Variants in APOB observed in about 807,000 individuals in gnomAD.
APOB encodes the protein apolipoprotein B-100.
In APOB, 153 loss-of-function variants were observed where a neutral mutation model predicts 314.1. The observed-to-expected ratio is 0.49, with a 90% CI of 0.43 to 0.56. The LOEUF is 0.56. APOB is among the 20% of genes least tolerant of loss of function. APOB has a pLI of 0.00. For missense variants in APOB, 5,430 were observed against 5,350.7 expected (o/e 1.01, Z -0.46); for synonymous variants, 2,087 against 2,036.4 (o/e 1.02, Z -0.67).
rs995623758 is a variant in APOB, at chr2:21,004,341, G to A, written c.12015C>T (p.Ala4005=). The change falls in exon 28 of 29, where the codon GCC becomes GCT. Residue 4005 remains alanine (A), a synonymous_variant. Transcript: ENST00000233242. ...CCATATCCATGCCCACGGTGCCTACGGCTGGGGAGGCTGCTGAGGTGGAGA... is the reference window on the plus strand; with the variant it reads ...CCATATCCATGCCCACGGTGCCTACAGCTGGGGAGGCTGCTGAGGTGGAGA... ...KGISTSAASP[A]VGTVGMDMDE... 1.1e-5 allele frequency: 17 copies of A among 1,613,734 alleles called. No individual in the cohort carries two copies. The African/African-American group carries it at 1.3e-4, about 13-fold the overall frequency.
Position 21,005,353 on chromosome 2 carries a change from C to G in APOB, c.11515G>C (p.Asp3839His). 1 of 1,614,034 alleles carries G rather than the reference C, an allele frequency of 6.2e-7. No individual in the cohort carries two copies. The highest frequency in any genetic ancestry group is 1.3e-5 in the African/African-American group (1 of 75,008). ...KSVSDGIAAL[D>H]LNAVANKIAD... is the part of the protein sequence containing the mutation. ...ATCTTGTTGGCTACTGCATTTAGAT[C>G]CAAAGCAGCAATGCCATCTGAAACA... is the stretch of plus-strand genomic sequence containing the variant. The change falls in exon 26 of 29, where the codon GAT (aspartate) becomes CAT (histidine). Residue 3839 changes from aspartate (D) to histidine (H), a missense_variant. By Grantham distance (81) the Asp-to-His change is moderately conservative. Around this residue, in one of 3 missense-constraint regions of APOB, gnomAD observed 3,281 missense variants for 3,171.0 expected, o/e 1.03. Coordinates refer to ENST00000233242, the MANE Select transcript of APOB (RefSeq NM_000384.3).
In APOB at chr2:21,013,370, G is replaced by A. The variant is rs1663384393; in HGVS notation, c.4006C>T (p.Gln1336Ter). ...VGFHLPSREF[Q>*]VPTFTIPKLY... ...TTGGGAATGGTAAAAGTAGGGACTTGGAACTCTCGAGATGGCAGATGGAAT... is the reference window on the plus strand; with the variant it reads ...TTGGGAATGGTAAAAGTAGGGACTTAGAACTCTCGAGATGGCAGATGGAAT... Residue 1336 changes from glutamine to a stop codon, truncating the protein, a stop_gained, in exon 25 of 29, where the codon CAA (glutamine) becomes TAA (stop). Transcript: ENST00000233242. LOFTEE classifies it high-confidence loss of function. 1.2e-6 allele frequency: 2 copies of A among 1,614,210 alleles called. No homozygotes were observed. The highest frequency in any genetic ancestry group is 1.7e-6 in the Non-Finnish European group (2 of 1,180,044).
In APOB at chr2:21,009,199, C is replaced by A. The variant is rs771384370; in HGVS notation, c.7669G>T (p.Ala2557Ser). ...VTYISDWWTL[A>S]AKNLTDFAEQ... is the part of the protein sequence containing the mutation. Reference sequence around the variant, plus strand: ...GCAAAGTCAGTAAGGTTCTTAGCAGCAAGAGTCCACCAATCAGAAATGTAG... The same window carrying A: ...GCAAAGTCAGTAAGGTTCTTAGCAGAAAGAGTCCACCAATCAGAAATGTAG... Residue 2557 changes from alanine (A) to serine (S), a missense_variant, in exon 26 of 29, where the codon GCT (alanine) becomes TCT (serine). Ala to Ser is a moderately conservative substitution (Grantham distance 99). Around this residue, in one of 3 missense-constraint regions of APOB, gnomAD observed 3,281 missense variants for 3,171.0 expected, o/e 1.03. Transcript: ENST00000233242. 6.2e-7 allele frequency: 1 copy of A among 1,614,070 alleles called. No individual in the cohort carries two copies. Among genetic ancestry groups the A allele is most frequent in the Non-Finnish European group, 8.5e-7 (1 of 1,179,964 alleles).
At position 21,009,250 on chromosome 2, in the gene APOB, C is replaced by T. The variant is rs1572781975; in HGVS notation, c.7618G>A (p.Gly2540Ser). 1 of 1,614,062 alleles carries T rather than the reference C, an allele frequency of 6.2e-7. No individual in the cohort carries two copies. The highest frequency in any genetic ancestry group is 1.3e-5 in the African/African-American group (1 of 75,038). ...GTGACAAGTGTGCTATAAACCTGGC[C>T]TACCAGAGACAGGTATCGTTGAAGT... Reference protein sequence around the residue: ...QELQRYLSLVGQVYSTLVTYI... With the variant: ...QELQRYLSLVSQVYSTLVTYI... The change falls in exon 26 of 29, where the codon GGC (glycine) becomes AGC (serine). Residue 2540 changes from glycine to serine, a missense_variant. Gly to Ser is a moderately conservative substitution (Grantham distance 56). Around this residue, in one of 3 missense-constraint regions of APOB, gnomAD observed 3,281 missense variants for 3,171.0 expected, o/e 1.03. Transcript: ENST00000233242.
At position 21,006,485 on chromosome 2, in the gene APOB, C is replaced by T. The variant is rs1572778633; in HGVS notation, c.10383G>A (p.Lys3461=). ...KPTVSSSMEF[K]YDFNSSMLYS... ...ACAGCATTGAAGAATTGAAATCATA[C>T]TTAAATTCCATGGAGGAAGAGACAG... is the stretch of plus-strand genomic sequence containing the variant. The change falls in exon 26 of 29, where the codon AAG becomes AAA. Residue 3461 remains lysine, a synonymous_variant. Transcript: ENST00000233242. 1.2e-6 allele frequency: 2 copies of T among 1,614,100 alleles called. No individual in the cohort carries two copies. The highest frequency in any genetic ancestry group is 2.2e-5 in the East Asian group (1 of 44,884).
At position 21,012,411 on chromosome 2, in the gene APOB, A is replaced by G; in HGVS notation, c.4457T>C (p.Ile1486Thr). Residue 1486 changes from isoleucine (I) to threonine (T), a missense_variant, in exon 26 of 29, where the codon ATT becomes ACT. Transcript: ENST00000233242. ...KQHLFVKEVKIDGQFRVSSFY... is the reference protein window; with the variant it reads ...KQHLFVKEVKTDGQFRVSSFY... The stretch of plus-strand genomic sequence containing the variant: ...CGAAGAGACTCTGAACTGCCCATCA[A>G]TCTTGACTTCTTTGACAAACAAATG... The G allele has an allele frequency of 1.2e-6, 2 of 1,614,216 alleles. No individual in the cohort carries two copies. The highest frequency in any genetic ancestry group is 1.7e-6 in the Non-Finnish European group (2 of 1,180,034).
chr2:21,002,662 G>A lies in APOB; in HGVS notation c.12760C>T (p.Pro4254Ser). The A allele has an allele frequency of 6.2e-7, 1 of 1,613,788 alleles. No individual in the cohort carries two copies. The highest frequency in any genetic ancestry group is 8.5e-7 in the Non-Finnish European group (1 of 1,179,872). Residue 4254 changes from proline to serine, a missense_variant, in exon 29 of 29, where the codon CCT becomes TCT. Physicochemically the swap from Pro to Ser is moderately conservative, Grantham distance 74. Coordinates refer to ENST00000233242, the MANE Select transcript of APOB (RefSeq NM_000384.3). Reference protein sequence around the residue: ...SYFQDLVITLPFELRKHKLID... With the variant: ...SYFQDLVITLSFELRKHKLID... ...AGTTTATGTTTCCTTAACTCGAAAG[G>A]AAGTGTAATCACTAGGTCTTGGAAA... is the stretch of plus-strand genomic sequence containing the variant.
Position 21,005,544 on chromosome 2 carries a change from C to A in APOB, c.11324G>T (p.Arg3775Ile), listed in dbSNP as rs754440349. ...FREIQIYKKL[R>I]TSSFALNLPT... is the part of the protein sequence containing the mutation. ...TAGGTTGAGGGCAAATGATGAAGTT[C>A]TCAGCTTCTTATAGATTTGTATTTC... Residue 3775 changes from arginine to isoleucine, a missense_variant, in exon 26 of 29, where the codon AGA becomes ATA. Physicochemically the swap from Arg to Ile is moderately conservative, Grantham distance 97. Around this residue, in one of 3 missense-constraint regions of APOB, gnomAD observed 3,281 missense variants for 3,171.0 expected, o/e 1.03. Coordinates refer to ENST00000233242, the MANE Select transcript of APOB (RefSeq NM_000384.3). 1 of 1,613,896 alleles carries A rather than the reference C, an allele frequency of 6.2e-7. No homozygotes were observed. The highest frequency in any genetic ancestry group is 8.5e-7 in the Non-Finnish European group (1 of 1,179,972).
In APOB at chr2:21,014,569, C is replaced by A; in HGVS notation, c.3721G>T (p.Ala1241Ser). The A allele has an allele frequency of 6.2e-7, 1 of 1,614,002 alleles. No individual in the cohort carries two copies. The highest frequency in any genetic ancestry group is 8.5e-7 in the Non-Finnish European group (1 of 1,179,976). The stretch of plus-strand genomic sequence containing the variant: ...TGGGTATAAGGAAGACTCCCAGATG[C>A]CTTCTGAAGCCATGAGCTCATTGCC... ...IVAMSSWLQKASGSLPYTQTL... is the reference protein window; with the variant it reads ...IVAMSSWLQKSSGSLPYTQTL... Residue 1241 changes from alanine to serine, a missense_variant, in exon 24 of 29, where the codon GCA becomes TCA. Ala to Ser is a moderately conservative substitution (Grantham distance 99). Transcript: ENST00000233242.
In APOB at chr2:21,006,996, C is replaced by A. The variant is rs747787527; in HGVS notation, c.9872G>T (p.Arg3291Leu). The change falls in exon 26 of 29, where the codon CGT becomes CTT. Residue 3291 changes from arginine to leucine, a missense_variant. Arg to Leu is a moderately radical substitution (Grantham distance 102, BLOSUM62 -2). Coordinates refer to ENST00000233242, the MANE Select transcript of APOB (RefSeq NM_000384.3). Reference protein sequence around the residue: ...PSFSILGSDVRVPSYTLILPS... With the variant: ...PSFSILGSDVLVPSYTLILPS... Reference sequence around the variant, plus strand: ...CAGGATTAATGTGTATGAAGGCACACGGACGTCAGAACCTAGGATGGAGAA... The same window carrying A: ...CAGGATTAATGTGTATGAAGGCACAAGGACGTCAGAACCTAGGATGGAGAA... The A allele has an allele frequency of 6.2e-7, 1 of 1,613,992 alleles. No homozygotes were observed. The highest frequency in any genetic ancestry group is 1.3e-5 in the African/African-American group (1 of 74,994).
In APOB at chr2:21,007,842, A is replaced by G; in HGVS notation, c.9026T>C (p.Leu3009Pro). Residue 3009 changes from leucine (L) to proline (P), a missense_variant, in exon 26 of 29, where the codon CTG becomes CCG. Transcript: ENST00000233242. ...HSVLTAKGMA[L>P]FGEGKAEFTG... The stretch of plus-strand genomic sequence containing the variant: ...AAACTCTGCCTTCCCTTCTCCAAAC[A>G]GTGCCATGCCTTTAGCAGTTAGAAC... 1 of 1,614,114 alleles carries G rather than the reference A, an allele frequency of 6.2e-7. No individual in the cohort carries two copies. The highest frequency in any genetic ancestry group is 8.5e-7 in the Non-Finnish European group (1 of 1,179,976).
In APOB at chr2:21,002,786, A is replaced by G. The variant is rs772812955; in HGVS notation, c.12636T>C (p.Thr4212=). The change falls in exon 29 of 29, where the codon ACT becomes ACC. Residue 4212 remains threonine, a synonymous_variant. Transcript: ENST00000233242. The part of the protein sequence containing the change: ...FQFPGKPGIY[T]REELCTMFIR... Reference sequence around the variant, plus strand: ...TGAACATAGTGCAAAGTTCCTCCCTAGTGTATATCCCAGGTTTCCCCGGAA... The same window carrying G: ...TGAACATAGTGCAAAGTTCCTCCCTGGTGTATATCCCAGGTTTCCCCGGAA... The G allele has an allele frequency of 1.2e-6, 2 of 1,609,154 alleles. No homozygotes were observed. Among genetic ancestry groups the G allele is most frequent in the Non-Finnish European group, 1.7e-6 (2 of 1,177,048 alleles).
Position 21,010,785 on chromosome 2 carries a change from A to C in APOB, c.6083T>G (p.Leu2028Arg), listed in dbSNP as rs1010370505. Reference protein sequence around the residue: ...TLLDSPIKVPLLLSEPINIID... With the variant: ...TLLDSPIKVPRLLSEPINIID... ...GATATTGATGGGCTCACTGAGTAAA[A>C]GTGGCACTTTAATTGGGGAGTCTAG... The change falls in exon 26 of 29, where the codon CTT becomes CGT. Residue 2028 changes from leucine (L) to arginine (R), a missense_variant. Physicochemically the swap from Leu to Arg is moderately radical, Grantham distance 102. Coordinates refer to ENST00000233242, the MANE Select transcript of APOB (RefSeq NM_000384.3). 2.5e-6 allele frequency: 4 copies of C among 1,614,054 alleles called. No individual in the cohort carries two copies. The African/African-American group carries it at 4.0e-5, about 16-fold the overall frequency.
rs763043332 is a variant in APOB at position 21,011,449 on chromosome 2, C to T, written c.5419G>A (p.Asp1807Asn). 1.2e-6 allele frequency: 2 copies of T among 1,614,124 alleles called. No individual in the cohort carries two copies. Among genetic ancestry groups the T allele is most frequent in the South Asian group, 1.1e-5 (1 of 91,078 alleles). ...LNSDLKYNAL[D>N]LTNNGKLRLE... is the part of the protein sequence containing the mutation. ...CGTAGTTTCCCATTGTTGGTGAGAT[C>T]CAGAGCATTGTATTTCAGGTCACTG... Residue 1807 changes from aspartate (D) to asparagine (N), a missense_variant, in exon 26 of 29, where the codon GAT becomes AAT. Asp to Asn is a conservative substitution (Grantham distance 23, BLOSUM62 1). Around this residue, in one of 3 missense-constraint regions of APOB, gnomAD observed 64 missense variants for 99.9 expected, o/e 0.64. Transcript: ENST00000233242.
intron 20 of APOB, among the ~76,000 whole-genome samples, chr2:21,017,246 A>G (rs1663502496): frequency 2.0e-5 from 3 of 151,832 alleles, no homozygotes; most frequent in Admixed American, 2.0e-4. Flanking sequence ...TTATGAGCCT[A>G]TTGTGTGCTG....
intron 18 of APOB, among the ~76,000 whole-genome samples, chr2:21,021,202 T>C (rs1663598510): frequency 6.6e-6 from 1 of 152,364 alleles, no homozygotes; most frequent in Admixed American, 6.5e-5. Context: ...CTGTAGTTCT[T>C]ATTAAAATGA....
At chr2:21,016,971 G>T (rs1167859610) in intron 20 of APOB, among the ~76,000 whole-genome samples, 1 of 144,800 alleles carries the variant, frequency 6.9e-6, no homozygotes, top group African/African-American at 2.6e-5. Context: ...GCAAAAGAGC[G>T]AGACTCCATC....
intron 28 of APOB, among the ~76,000 whole-genome samples, chr2:21,003,948 T>C (rs1200105734): frequency 2.0e-5 from 3 of 152,126 alleles, no homozygotes; most frequent in Non-Finnish European, 4.4e-5. Flanking sequence ...CAGAAACCAG[T>C]CCTCTCTGAA....
Position 21,010,789 on chromosome 2 carries a change from G to T in APOB, c.6079C>A (p.Pro2027Thr). The T allele has an allele frequency of 6.2e-7, 1 of 1,614,120 alleles. No homozygotes were observed. Among genetic ancestry groups the T allele is most frequent in the Non-Finnish European group, 8.5e-7 (1 of 1,179,990 alleles). The change falls in exon 26 of 29, where the codon CCA becomes ACA. Residue 2027 changes from proline to threonine, a missense_variant. This residue lies in a region of APOB where 3,281 missense variants were observed against 3,171.0 expected (regional missense o/e 1.03). Transcript: ENST00000233242. ...TTGATGGGCTCACTGAGTAAAAGTGGCACTTTAATTGGGGAGTCTAGTAGA... is the reference window on the plus strand; with the variant it reads ...TTGATGGGCTCACTGAGTAAAAGTGTCACTTTAATTGGGGAGTCTAGTAGA... ...LTLLDSPIKV[P>T]LLLSEPINII...
Sources: allele counts gnomAD v4.1 joint callset (sites outside exome capture counted in the v4.1 genomes callset), GRCh38; gene constraint gnomAD v4.1.1; regional missense constraint gnomAD v4.1.1; transcripts MANE v1.5; gene names NCBI Gene and HGNC (gene_info 2026-07-23, HGNC 2026-07-21).